Variants in CCDC141 observed in about 807,000 individuals in gnomAD.
The protein encoded by CCDC141 is coiled-coil domain-containing protein 141.
In CCDC141, 168 loss-of-function variants were observed where a neutral mutation model predicts 181.0. The observed-to-expected ratio is 0.93, with a 90% CI of 0.82 to 1.05. CCDC141 has a LOEUF of 1.05. Ranked by LOEUF, CCDC141 falls within the 50% of genes least tolerant of loss-of-function variation. The pLI, the probability that CCDC141 is intolerant of heterozygous loss-of-function variation, is 0.00. For missense variants in CCDC141, 1,902 were observed against 1,788.5 expected (o/e 1.06, Z -1.14); for synonymous variants, 666 against 642.3 (o/e 1.04, Z -0.56).
chr2:178,866,055 C>G (rs1685838857), intron 16 of CCDC141, 139 bp from the exon 17 acceptor site: 3 of 585,530 alleles, frequency 5.1e-6, no homozygotes, highest in Non-Finnish European at 7.8e-6. Context: ...TTACCTTAAA[C>G]ATATTTGAAC....
chr2:178,976,590 C>T (rs1415615987), intron 3 of CCDC141, among the ~76,000 whole-genome samples: 1 of 152,202 alleles, frequency 6.6e-6, no homozygotes, highest in South Asian at 2.1e-4. Flanking sequence ...GCACAGTGTT[C>T]GAGGTGAGAA....
chr2:178,994,153 AG>A (rs1692178895), intron 2 of CCDC141, among the ~76,000 whole-genome samples: 1 of 152,192 alleles, frequency 6.6e-6, no homozygotes, highest in Non-Finnish European at 1.5e-5. Flanking sequence ...GCAATGTCCC[AG>A]TAGGTATTCT....
the CCDC141 span, among the ~76,000 whole-genome samples, chr2:178,816,567 T>C: frequency 6.6e-6 from 1 of 152,204 alleles, no homozygotes; most frequent in Non-Finnish European, 1.5e-5. Context: ...AGGAAACTAA[T>C]TCCTGGATTG....
intron 17 of CCDC141, among the ~76,000 whole-genome samples, chr2:178,860,302 G>T (rs1212806775): frequency 6.6e-6 from 1 of 151,964 alleles, no homozygotes; most frequent in African/African-American, 2.4e-5. Context: ...GGAGGCTGAG[G>T]CGGGTGGATC....
chr2:178,910,252 A>G (rs1688163175), intron 7 of CCDC141, among the ~76,000 whole-genome samples: 1 of 152,246 alleles, frequency 6.6e-6, no homozygotes, highest in Non-Finnish European at 1.5e-5. Context: ...GAATTCTATC[A>G]TGCTGTTTCA....
intron 7 of CCDC141, among the ~76,000 whole-genome samples, chr2:178,911,827 C>T (rs1295058141): frequency 6.6e-6 from 1 of 152,212 alleles, no homozygotes; most frequent in Admixed American, 6.5e-5. Context: ...GCAATTAGTG[C>T]TGCCTGGAGA....
chr2:179,013,129 G>C (rs2154384597), intron 2 of CCDC141, among the ~76,000 whole-genome samples: 1 of 152,192 alleles, frequency 6.6e-6, no homozygotes, highest in East Asian at 1.9e-4. Flanking sequence ...AATCAGACAA[G>C]AGAAAGAAAT....
In CCDC141 at chr2:178,860,543, C is replaced by CTTTTTTT. The variant is rs71023458; in HGVS notation, c.2725-4153_2725-4147dup. Among the ~76,000 whole-genome samples the CTTTTTTT allele has an allele frequency of 2.5e-3, 128 of 51,352 alleles. 25 individuals carry two copies. The highest frequency in any genetic ancestry group is 7.7e-3 in the African/African-American group (91 of 11,860). The allele number at this position is 51,352 out of a possible 152,430, so 33.7% of individuals were successfully genotyped here. A position where few individuals can be genotyped will look rare whatever the true frequency, so the allele number is the denominator to read the frequency against. On this transcript the variant is annotated intron_variant, in intron 17 of 23. Transcript: ENST00000443758. ...GCGAGACTCAAAAAAAAAAACAACA[C>CTTTTTTT]TTTTTTTTTTTTTTTTTTTTTTTTT...
chr2:178,960,282 T>C (rs1295188534), intron 5 of CCDC141, among the ~76,000 whole-genome samples: 1 of 152,202 alleles, frequency 6.6e-6, no homozygotes, highest in African/African-American at 2.4e-5. Context: ...AAGTGGTCAA[T>C]AAGTATTAAC....
intron 2 of CCDC141, among the ~76,000 whole-genome samples, chr2:179,015,087 T>TATATATAC (rs2042403955): frequency 2.2e-5 from 1 of 46,310 alleles, no homozygotes; most frequent in Non-Finnish European, 5.1e-5. Flanking sequence ...TATATATATA[T>TATATATAC]ATATATATAT....
At chr2:178,860,840 A>G (rs2154368083) in intron 17 of CCDC141, among the ~76,000 whole-genome samples, 1 of 152,206 alleles carries the variant, frequency 6.6e-6, no homozygotes, top group Admixed American at 6.5e-5. Context: ...AGGCATCAGT[A>G]ATACATATTT....
intron 10 of CCDC141, among the ~76,000 whole-genome samples, chr2:178,885,405 A>G (rs1406184051): frequency 1.3e-5 from 2 of 152,260 alleles, no homozygotes; most frequent in African/African-American, 2.4e-5. Context: ...TAAATGAAAT[A>G]ATTATACATG....
intron 6 of CCDC141, among the ~76,000 whole-genome samples, chr2:178,927,275 C>T (rs965373435): frequency 6.6e-6 from 1 of 152,168 alleles, no homozygotes; most frequent in Non-Finnish European, 1.5e-5. Flanking sequence ...AACTCTCCTA[C>T]ACTGAATGTG....
intron 2 of CCDC141, among the ~76,000 whole-genome samples, chr2:178,995,988 T>A (rs982654101): frequency 2.0e-5 from 3 of 152,194 alleles, no homozygotes; most frequent in African/African-American, 7.2e-5. Context: ...ATATATAAGA[T>A]GAAAACATTA....
In CCDC141 at chr2:178,944,535, C is replaced by A. The variant is rs902389596; in HGVS notation, c.897G>T (p.Lys299Asn). ...TTAGTGTGTCTAATATATCTCTTAC[C>A]TTTGCTTTTATTATCAGTTCCTCTT... is the stretch of plus-strand genomic sequence containing the variant. ...HKQEELIIKA[K>N]EWNSAVEKLK... is the part of the protein sequence containing the mutation. Residue 299 changes from lysine to asparagine, a missense_variant and splice_region_variant, in exon 6 of 24, where the codon AAG becomes AAT. Physicochemically the swap from Lys to Asn is moderately conservative, Grantham distance 94. Transcript: ENST00000443758. The A allele has an allele frequency of 4.9e-6, 7 of 1,435,866 alleles. No individual in the cohort carries two copies. The highest frequency in any genetic ancestry group is 1.4e-5 in the African/African-American group (1 of 69,856). 88.9% of individuals were successfully genotyped at this position (1,435,866 alleles called of 1,614,324 possible).
intron 1 of CCDC141, among the ~76,000 whole-genome samples, chr2:179,048,197 G>A (rs910592743): frequency 6.6e-5 from 10 of 152,172 alleles, no homozygotes; most frequent in African/African-American, 2.2e-4. Context: ...AATTACTAAA[G>A]AGAAATTAGA....
At chr2:178,953,436 CAAAA>C (rs34278844) in intron 5 of CCDC141, among the ~76,000 whole-genome samples, 1 of 130,060 alleles carries the variant, frequency 7.7e-6, no homozygotes, top group African/African-American at 2.9e-5. Context: ...GACTCCCTCT[CAAAA>C]AAAAAAAAAA....
intron 2 of CCDC141, among the ~76,000 whole-genome samples, chr2:178,990,589 G>T (rs1398003607): frequency 5.0e-5 from 6 of 121,158 alleles, no homozygotes; most frequent in Non-Finnish European, 9.5e-5. Flanking sequence ...GGGAGTGGAG[G>T]GGAGGGGAGG....
chr2:179,027,733 A>T (rs1186912436), intron 2 of CCDC141, among the ~76,000 whole-genome samples: 2 of 146,280 alleles, frequency 1.4e-5, no homozygotes, highest in Non-Finnish European at 3.0e-5. Context: ...GTAAGATGTG[A>T]CTTGTTCCTC....
Sources: gnomAD v4.1 joint callset for allele counts (sites outside exome capture counted in the v4.1 genomes callset) on GRCh38, gnomAD v4.1.1 for gene constraint, MANE v1.5 for transcripts, NCBI Gene and HGNC (gene_info 2026-07-23, HGNC 2026-07-21) for gene names.